CC2D2A: variants seen among roughly 807,000 people sequenced by gnomAD.
CC2D2A encodes coiled-coil and C2 domain-containing protein 2A.
A neutral mutation model predicts 212.9 loss-of-function variants in CC2D2A; 155 were observed. The observed-to-expected ratio is 0.73, with a 90% CI of 0.64 to 0.83. The LOEUF (loss-of-function observed/expected upper bound fraction) is 0.83, where lower values mean the gene tolerates loss of function less well. Ranked by LOEUF, CC2D2A falls within the 40% of genes least tolerant of loss-of-function variation. The pLI is 0.00. For missense variants in CC2D2A, 1,856 were observed against 1,956.2 expected, an observed-to-expected ratio of 0.95 and a Z score of 0.97; for synonymous variants, 667 against 686.5, an observed-to-expected ratio of 0.97 and a Z score of 0.44.
At chr4:15,560,306 C>T (rs1329721337) in intron 22 of CC2D2A, among the ~76,000 whole-genome samples, 2 of 152,016 alleles carry the variant, frequency 1.3e-5, no homozygotes, top group Non-Finnish European at 2.9e-5. Flanking sequence ...TCCAATATTG[C>T]AGTAAGCAAA....
Position 15,515,953 on chromosome 4 carries a change from G to A in CC2D2A, c.966G>A (p.Val322=). ...EGLYTGVRPE[V]ARTNQNIMEN... The stretch of plus-strand genomic sequence containing the variant: ...TTTACACCGGGGTAAGACCAGAGGT[G>A]GCACGCACCAATCAGAACATCATGG... Residue 322 remains valine, a synonymous_variant, in exon 10 of 37, where the codon GTG becomes GTA. Transcript: ENST00000424120. The A allele has an allele frequency of 6.3e-7, 1 of 1,578,498 alleles. No homozygotes were observed.
At chr4:15,593,949 A>C (rs539976897) in intron 33 of CC2D2A, among the ~76,000 whole-genome samples, 1 of 152,050 alleles carries the variant, frequency 6.6e-6, no homozygotes, top group Admixed American at 6.6e-5. Context: ...TACTCCAGTG[A>C]CTTCCTATCT....
chr4:15,594,662 A>G (rs1721239766), intron 33 of CC2D2A, among the ~76,000 whole-genome samples: 1 of 152,156 alleles, frequency 6.6e-6, no homozygotes, highest in Admixed American at 6.5e-5. Context: ...GCAAAAGTGT[A>G]TTTTTTCTCT....
chr4:15,487,475 C>T (rs1219303363), intron 4 of CC2D2A, among the ~76,000 whole-genome samples: 2 of 152,148 alleles, frequency 1.3e-5, no homozygotes, highest in East Asian at 3.9e-4. Context: ...GCTCTTTTTA[C>T]ATTTCCATTG....
intron 11 of CC2D2A, among the ~76,000 whole-genome samples, chr4:15,520,870 C>T (rs1717161986): frequency 6.6e-6 from 1 of 152,168 alleles, no homozygotes; most frequent in South Asian, 2.1e-4. Flanking sequence ...GTAACCTGGA[C>T]TAAGGAACTT....
intron 33 of CC2D2A, among the ~76,000 whole-genome samples, chr4:15,590,458 C>G: frequency 6.6e-6 from 1 of 152,174 alleles, no homozygotes; most frequent in South Asian, 2.1e-4. Flanking sequence ...GAGGTTGCAA[C>G]GAGCTGAGAT....
At chr4:15,476,612 T>C (rs1415391971) in intron 2 of CC2D2A, among the ~76,000 whole-genome samples, 1 of 152,238 alleles carries the variant, frequency 6.6e-6, no homozygotes, top group Non-Finnish European at 1.5e-5. Context: ...TTGTCACGGT[T>C]CTATGAACTC....
At chr4:15,527,348 G>A (rs1259809298) in intron 11 of CC2D2A, 99 bp from the exon 12 acceptor site, 5 of 806,072 alleles carry the variant, frequency 6.2e-6, no homozygotes, top group Non-Finnish European at 9.9e-6. Context: ...CAGGATAGGA[G>A]GTATTTTGCA....
At chr4:15,486,423 G>C (rs2108981200) in intron 4 of CC2D2A, among the ~76,000 whole-genome samples, 1 of 151,810 alleles carries the variant, frequency 6.6e-6, no homozygotes, top group Middle Eastern at 3.4e-3. Flanking sequence ...ATTTCTTCTA[G>C]CTTTCTAGAA....
At chr4:15,500,673 C>T (rs1270801473) in intron 4 of CC2D2A, among the ~76,000 whole-genome samples, 2 of 152,148 alleles carry the variant, frequency 1.3e-5, no homozygotes, top group African/African-American at 2.4e-5. Flanking sequence ...GGCTGTGCTG[C>T]AGAAATGGGC....
In CC2D2A at chr4:15,601,416, C is replaced by T. The variant is rs1054718381; in HGVS notation, c.4854C>T (p.Arg1618=). ...GGATCTATGTTGCCTCTCTTATACG[C>T]AACAGGTAATTTTTTTCACTGTACT... ...SVWIYVASLI[R]NR The change falls in exon 37 of 37, where the codon CGC becomes CGT. Residue 1618 remains arginine, a synonymous_variant. Coordinates refer to ENST00000424120, the MANE Select transcript of CC2D2A (RefSeq NM_001378615.1). The T allele has an allele frequency of 3.4e-6, 5 of 1,473,824 alleles. No individual in the cohort carries two copies. In the African/African-American group the frequency reaches 5.6e-5, roughly 17 times the overall value. The allele number at this position is 1,473,824 out of a possible 1,614,324, so 91.3% of individuals were successfully genotyped here.
At chr4:15,581,767 C>A (rs1350297550) in intron 30 of CC2D2A, among the ~76,000 whole-genome samples, 5 of 152,212 alleles carry the variant, frequency 3.3e-5, no homozygotes, top group Admixed American at 2.0e-4. Flanking sequence ...AAAACTTCAA[C>A]TGAAAATCTA....
chr4:15,540,376 G>A (rs1409609618), intron 16 of CC2D2A, among the ~76,000 whole-genome samples: 2 of 151,768 alleles, frequency 1.3e-5, no homozygotes, highest in Non-Finnish European at 2.9e-5. Flanking sequence ...TTCACTTACT[G>A]TCTGAAAATG....
At chr4:15,489,972 T>C (rs1456358861) in intron 4 of CC2D2A, among the ~76,000 whole-genome samples, 1 of 152,222 alleles carries the variant, frequency 6.6e-6, no homozygotes, top group Admixed American at 6.5e-5. Flanking sequence ...CTCTCTTGTC[T>C]TTATCAATAC....
At position 15,596,348 on chromosome 4, in the gene CC2D2A, A is replaced by C. The variant is rs772323629; in HGVS notation, c.4437+141A>C. ...GCATCTGAGCTCAACTCACAACAAG[A>C]AACAGATATATACGTTTACATATAT... On this transcript the variant is annotated intron_variant, in intron 34 of 36. Coordinates refer to ENST00000424120, the MANE Select transcript of CC2D2A (RefSeq NM_001378615.1). 304 of 638,598 alleles carry C rather than the reference A, an allele frequency of 4.8e-4. 1 individual carries two copies. Among genetic ancestry groups the C allele is most frequent in the Admixed American group, 7.0e-4 (18 of 25,582 alleles). The allele number at this position is 638,598 out of a possible 1,614,324, so 39.6% of individuals were successfully genotyped here. A position where few individuals can be genotyped will look rare whatever the true frequency, so the allele number is the denominator to read the frequency against.
At chr4:15,511,103 C>A in intron 7 of CC2D2A, 144 bp from the exon 8 acceptor site, 2 of 878,538 alleles carry the variant, frequency 2.3e-6, no homozygotes, top group South Asian at 2.1e-5. Context: ...TACCAGTAGT[C>A]TCACACCTTT....
intron 19 of CC2D2A, among the ~76,000 whole-genome samples, chr4:15,554,640 C>T (rs766561604): frequency 6.6e-6 from 1 of 152,212 alleles, no homozygotes; most frequent in African/African-American, 2.4e-5. Context: ...CGCACCACTG[C>T]GCTCTAGCCT....
At chr4:15,567,341 C>T in intron 24 of CC2D2A, 36 bp from the exon 25 acceptor site, 5 of 1,428,674 alleles carry the variant, frequency 3.5e-6, no homozygotes, top group Non-Finnish European at 3.9e-6. Flanking sequence ...TAGACTTCCT[C>T]TATCATTAAT....
chr4:15,570,535 T>G, intron 28 of CC2D2A, 39 bp downstream of exon 28: 1 of 1,379,782 alleles, frequency 7.2e-7, no homozygotes, highest in Non-Finnish European at 1.0e-6. Flanking sequence ...GAGCAGGGAA[T>G]TTCTCTATCC....
Sources: allele counts gnomAD v4.1 joint callset (sites outside exome capture counted in the v4.1 genomes callset), GRCh38; gene constraint gnomAD v4.1.1; transcripts MANE v1.5; gene names NCBI Gene and HGNC (gene_info 2026-07-23, HGNC 2026-07-21).